CXCL13: variants seen among roughly 807,000 people sequenced by gnomAD.
The protein encoded by CXCL13 is C-X-C motif chemokine 13.
CXCL13 carries 7 observed loss-of-function variants against 12.2 expected under a neutral mutation model. The observed-to-expected ratio is 0.57, with a 90% CI of 0.33 to 1.07. The LOEUF (loss-of-function observed/expected upper bound fraction) is 1.07. CXCL13 is among the 50% of genes least tolerant of loss of function. The probability of loss-of-function intolerance (pLI) is 0.04; values close to 1 mark genes in which losing one functional copy is unlikely to be tolerated. For missense variants in CXCL13, 113 were observed against 127.4 expected (o/e 0.89, Z 0.55); for synonymous variants, 47 against 42.4 (o/e 1.11, Z -0.42).
intron 1 of CXCL13, among the ~76,000 whole-genome samples, chr4:77,521,412 C>T (rs1724594650): frequency 6.6e-6 from 1 of 152,100 alleles, no homozygotes; most frequent in African/African-American, 2.4e-5. Context: ...TTGGTCTATT[C>T]AGAGATTCAA....
chr4:77,542,743 A>C (rs927817941), intron 1 of CXCL13, among the ~76,000 whole-genome samples: 1 of 152,178 alleles, frequency 6.6e-6, no homozygotes, highest in Admixed American at 6.5e-5. Context: ...TAACTTTTTT[A>C]AGTGCTACTG....
At chr4:77,597,922 C>T (rs1480539542) in intron 1 of CXCL13, among the ~76,000 whole-genome samples, 2 of 152,120 alleles carry the variant, frequency 1.3e-5, no homozygotes, top group Admixed American at 6.5e-5. Flanking sequence ...TAAGAGAATC[C>T]CTGCCCTCTC....
intron 1 of CXCL13, among the ~76,000 whole-genome samples, chr4:77,553,903 G>A (rs909543369): frequency 2.0e-5 from 3 of 152,076 alleles, no homozygotes; most frequent in African/African-American, 4.8e-5. Flanking sequence ...ATAGTTAATA[G>A]CGTATTGTAT....
At position 77,580,974 on chromosome 4, in the gene CXCL13, T is replaced by C. The variant is rs563211714; in HGVS notation, c.-42-24850T>C. Among the ~76,000 whole-genome samples the C allele has an allele frequency of 7.3e-5, 11 of 151,462 alleles. No individual in the cohort carries two copies. In the South Asian group the frequency reaches 2.3e-3, roughly 32 times the overall value. On this transcript the variant is annotated intron_variant, in intron 1 of 4. Coordinates refer to the CXCL13 transcript ENST00000286758. ...GAAAACAAAAACAAAAAAAAACCTATCCCCTAAGTGAAATATGCCAGTCAC... is the reference window on the plus strand; with the variant it reads ...GAAAACAAAAACAAAAAAAAACCTACCCCCTAAGTGAAATATGCCAGTCAC...
chr4:77,525,375 G>A (rs960290591), intron 1 of CXCL13, among the ~76,000 whole-genome samples: 4 of 152,120 alleles, frequency 2.6e-5, no homozygotes, highest in African/African-American at 9.7e-5. Context: ...CATTTGGGGG[G>A]TTTTCTTGAT....
chr4:77,560,292 G>T (rs887177776), intron 1 of CXCL13, among the ~76,000 whole-genome samples: 2 of 152,058 alleles, frequency 1.3e-5, no homozygotes, highest in African/African-American at 2.4e-5. Flanking sequence ...GTTCTTATTG[G>T]AATCTGTGTG....
chr4:77,566,049 C>T (rs112246484), intron 1 of CXCL13, among the ~76,000 whole-genome samples: 38 of 152,270 alleles, frequency 2.5e-4, no homozygotes, highest in Middle Eastern at 3.4e-3. Context: ...TGGACCTATG[C>T]GTCAAGTTTC....
At chr4:77,532,190 G>T (rs931757321) in intron 1 of CXCL13, among the ~76,000 whole-genome samples, 8 of 152,132 alleles carry the variant, frequency 5.3e-5, no homozygotes, top group East Asian at 1.9e-4. Context: ...GGTACCAGTT[G>T]TTCCTTTCCA....
chr4:77,595,265 A>G (rs1726721004), intron 1 of CXCL13, among the ~76,000 whole-genome samples: 1 of 152,156 alleles, frequency 6.6e-6, no homozygotes, highest in South Asian at 2.1e-4. Flanking sequence ...GTCTTAGAAA[A>G]TTTCCACCAC....
At chr4:77,548,630 T>C (rs1049099840) in intron 1 of CXCL13, among the ~76,000 whole-genome samples, 2 of 152,072 alleles carry the variant, frequency 1.3e-5, no homozygotes, top group African/African-American at 4.8e-5. Context: ...TACTAGAAAA[T>C]AATCTTTTCG....
intron 1 of CXCL13, among the ~76,000 whole-genome samples, chr4:77,520,734 C>A (rs1239795774): frequency 6.6e-6 from 1 of 152,114 alleles, no homozygotes; most frequent in African/African-American, 2.4e-5. Flanking sequence ...TTGTCCTGGC[C>A]AGAACTTCCA....
At position 77,600,041 on chromosome 4, in the gene CXCL13, AATG is replaced by A. The variant is rs1159441764; in HGVS notation, c.-42-5777_-42-5775del. ...AAGCAAATTTTTGAGCAACTGGGTG[AATG>A]ATGATACCATTTACTAAGACTTGGA... On this transcript the variant is annotated intron_variant, in intron 1 of 4. Coordinates refer to the CXCL13 transcript ENST00000286758. Among the ~76,000 whole-genome samples the A allele has an allele frequency of 2.6e-5, 4 of 152,224 alleles. No homozygotes were observed. The East Asian group carries it at 7.7e-4, about 29-fold the overall frequency.
At chr4:77,570,341 T>C (rs1319876764) in intron 1 of CXCL13, among the ~76,000 whole-genome samples, 4 of 152,148 alleles carry the variant, frequency 2.6e-5, no homozygotes, top group African/African-American at 7.2e-5. Context: ...GCCTACATAA[T>C]GGGAGAAAAT....
chr4:77,604,060 AAAG>A (rs1333162497), upstream of CXCL13, among the ~76,000 whole-genome samples: 1 of 152,184 alleles, frequency 6.6e-6, no homozygotes, highest in Non-Finnish European at 1.5e-5. Flanking sequence ...ACTCTCTCTT[AAAG>A]AAATAACTTG....
intron 1 of CXCL13, among the ~76,000 whole-genome samples, chr4:77,517,294 G>A (rs1413186115): frequency 1.2e-4 from 18 of 152,182 alleles, no homozygotes; most frequent in Admixed American, 4.6e-4. Flanking sequence ...TTGATTTGAG[G>A]TGGAGAGTTC....
chr4:77,547,379 G>T (rs1037431559), intron 1 of CXCL13, among the ~76,000 whole-genome samples: 4 of 152,136 alleles, frequency 2.6e-5, no homozygotes, highest in African/African-American at 9.7e-5. Context: ...CTCTTTCTAG[G>T]TCTCTAAGGA....
chr4:77,537,179 G>A (rs1725079388), intron 1 of CXCL13, among the ~76,000 whole-genome samples: 7 of 152,166 alleles, frequency 4.6e-5, no homozygotes, highest in Admixed American at 4.6e-4. Flanking sequence ...GCAAGGGATA[G>A]TTTATTACTC....
At chr4:77,524,408 C>T (rs905030182) in intron 1 of CXCL13, among the ~76,000 whole-genome samples, 1 of 152,226 alleles carries the variant, frequency 6.6e-6, no homozygotes, top group Admixed American at 6.5e-5. Context: ...TTCCCAGCCA[C>T]TTTGTTTACC....
intron 1 of CXCL13, among the ~76,000 whole-genome samples, chr4:77,517,984 C>T (rs1379400281): frequency 1.3e-5 from 2 of 152,130 alleles, no homozygotes; most frequent in African/African-American, 2.4e-5. Context: ...CCTTCAGGAG[C>T]TCTTTAAGGG....
Sources: allele counts gnomAD v4.1 joint callset (sites outside exome capture counted in the v4.1 genomes callset), GRCh38; gene constraint gnomAD v4.1.1; transcripts MANE v1.5; gene names NCBI Gene and HGNC (gene_info 2026-07-23, HGNC 2026-07-21).